The following ANK3 variants were observed in gnomAD, a reference collection of about 807,000 sequenced individuals.
ANK3 encodes ankyrin-3.
Under a neutral mutation model 370.9 loss-of-function variants are expected in ANK3, and 57 were observed. The observed-to-expected ratio is 0.15, with a 90% CI of 0.12 to 0.19. ANK3 has a LOEUF of 0.19. ANK3 is among the 10% of genes least tolerant of loss of function. ANK3 has a pLI of 1.00. For synonymous variants in ANK3, 1,929 were observed against 1,946.3 expected, an observed-to-expected ratio of 0.99 and a Z score of 0.23; for missense variants, 4,439 against 5,302.1, an observed-to-expected ratio of 0.84 and a Z score of 5.06.
chr10:60,300,538 G>A (rs936107314), intron 1 of ANK3: 2 of 1,210,880 alleles, frequency 1.7e-6, no homozygotes, highest in Admixed American at 3.2e-5. Flanking sequence ...GCAGACAAGA[G>A]TACAGAATCC....
chr10:60,137,257 A>T (rs2094385805), intron 24 of ANK3: 3 of 282,898 alleles, frequency 1.1e-5, no homozygotes, highest in South Asian at 1.1e-4. Context: ...ACAGCACATC[A>T]CATTACAATG....
chr10:60,170,631 T>TC (rs1360251637), intron 21 of ANK3, among the ~76,000 whole-genome samples: 1 of 152,190 alleles, frequency 6.6e-6, no homozygotes, highest in Non-Finnish European at 1.5e-5. Context: ...CATAGTGTCT[T>TC]CTCTCTTTTG....
At chr10:60,724,748 T>C (rs2079916998) in intron 1 of ANK3, among the ~76,000 whole-genome samples, 1 of 152,214 alleles carries the variant, frequency 6.6e-6, no homozygotes, top group Non-Finnish European at 1.5e-5. Context: ...AAATTTCACT[T>C]GAAACTTTAG....
At chr10:60,240,107 T>TACATATATACAC (rs1555185111) in intron 7 of ANK3, among the ~76,000 whole-genome samples, 1,149 of 114,554 alleles carry the variant, frequency 0.01, 40 homozygotes, top group African/African-American at 0.026. Flanking sequence ...CACACATAAA[T>TACATATATACAC]ACATATATAT....
intron 1 of ANK3, among the ~76,000 whole-genome samples, chr10:60,648,525 C>T (rs1053087796): frequency 2.3e-4 from 33 of 141,992 alleles, no homozygotes; most frequent in African/African-American, 8.2e-4. Flanking sequence ...AATCCTAGCA[C>T]TTTGGGAGGC....
At chr10:60,045,391 G>C (rs900539222) in intron 42 of ANK3, among the ~76,000 whole-genome samples, 3 of 152,260 alleles carry the variant, frequency 2.0e-5, no homozygotes, top group Admixed American at 6.5e-5. Flanking sequence ...TAGACAGCTT[G>C]GTGGATTTAG....
At chr10:60,095,458 C>A (rs1418454353) in intron 28 of ANK3, among the ~76,000 whole-genome samples, 3 of 152,170 alleles carry the variant, frequency 2.0e-5, no homozygotes, top group Non-Finnish European at 4.4e-5. Flanking sequence ...ATAGCTCATT[C>A]CAGCCTTGAA....
intron 31 of ANK3, 85 bp from the exon 32 acceptor site, chr10:60,084,915 A>G (rs1253026914): frequency 9.4e-7 from 1 of 1,067,100 alleles, no homozygotes; most frequent in Non-Finnish European, 1.3e-6. Context: ...AAAAATCAGA[A>G]TATGTAAAGG....
chr10:60,262,145 CAGA>C (rs1184799428), intron 6 of ANK3, among the ~76,000 whole-genome samples, 188 bp from the exon 7 acceptor site: 1 of 152,098 alleles, frequency 6.6e-6, no homozygotes, highest in African/African-American at 2.4e-5. Context: ...AACTTACAGG[CAGA>C]AGAATAGCCA....
intron 23 of ANK3, among the ~76,000 whole-genome samples, chr10:60,161,145 G>C (rs2095489766): frequency 6.6e-6 from 1 of 151,990 alleles, no homozygotes; most frequent in African/African-American, 2.4e-5. Flanking sequence ...AAAAACATAA[G>C]GATCCCTCCA....
intron 24 of ANK3, among the ~76,000 whole-genome samples, chr10:60,134,951 T>C (rs2094265955): frequency 6.6e-6 from 1 of 152,230 alleles, no homozygotes; most frequent in Non-Finnish European, 1.5e-5. Context: ...CATGGTTATT[T>C]GGTCTTTTCT....
At chr10:60,677,426 T>C (rs2079139381) in intron 1 of ANK3, among the ~76,000 whole-genome samples, 4 of 152,206 alleles carry the variant, frequency 2.6e-5, no homozygotes, top group Admixed American at 2.6e-4. Flanking sequence ...CAATATATTA[T>C]GTCATTTAAA....
chr10:60,368,167 T>G (rs2059639851), intron 1 of ANK3, among the ~76,000 whole-genome samples: 1 of 151,988 alleles, frequency 6.6e-6, no homozygotes, highest in Admixed American at 6.6e-5. Flanking sequence ...AAGAGCACAT[T>G]AACTAAAAGA....
At chr10:60,032,302 G>A (rs1417644978) in intron 43 of ANK3, among the ~76,000 whole-genome samples, 2 of 144,594 alleles carry the variant, frequency 1.4e-5, no homozygotes, top group African/African-American at 5.2e-5. Flanking sequence ...CGCCTCCCGG[G>A]TTCAAGCAAT....
chr10:60,577,538 T>C (rs2077698178), intron 2 of ANK3, among the ~76,000 whole-genome samples: 1 of 152,042 alleles, frequency 6.6e-6, no homozygotes, highest in South Asian at 2.1e-4. Context: ...AACGGGAGTT[T>C]CCCTGCACAA....
At chr10:60,252,613 GA>G (rs1287982888) in intron 7 of ANK3, among the ~76,000 whole-genome samples, 1 of 152,100 alleles carries the variant, frequency 6.6e-6, no homozygotes, top group Non-Finnish European at 1.5e-5. Flanking sequence ...GAGAAAAAGT[GA>G]AAAACCTTCC....
intron 1 of ANK3, among the ~76,000 whole-genome samples, chr10:60,694,589 T>A (rs532156834): frequency 6.1e-4 from 93 of 152,220 alleles, no homozygotes; most frequent in Middle Eastern, 3.4e-3. Context: ...TGGGGGCCAA[T>A]ATTCAACATT....
At chr10:60,471,220 G>T (rs1595098430) in intron 2 of ANK3, among the ~76,000 whole-genome samples, 1 of 152,008 alleles carries the variant, frequency 6.6e-6, no homozygotes, top group East Asian at 1.9e-4. Flanking sequence ...AAGCCAATTG[G>T]TCCCTATCTT....
At chr10:60,292,480 T>C (rs1260145490) in intron 1 of ANK3, among the ~76,000 whole-genome samples, 4 of 152,206 alleles carry the variant, frequency 2.6e-5, no homozygotes, top group African/African-American at 9.6e-5. Flanking sequence ...ATAAGGAAGA[T>C]TTAGTCCTTT....
Sources: allele counts gnomAD v4.1 joint callset (sites outside exome capture counted in the v4.1 genomes callset), GRCh38; gene constraint gnomAD v4.1.1; transcripts MANE v1.5; gene names NCBI Gene and HGNC (gene_info 2026-07-23, HGNC 2026-07-21).